SYT2: variants seen among roughly 807,000 people sequenced by gnomAD.
SYT2 encodes synaptotagmin-2.
Under a neutral mutation model 39.9 loss-of-function variants are expected in SYT2, and 15 were observed. That is an observed-to-expected ratio of 0.38 (90% CI 0.25 to 0.58). The LOEUF (loss-of-function observed/expected upper bound fraction) is 0.58. Ranked by LOEUF, SYT2 falls within the 20% of genes least tolerant of loss-of-function variation. SYT2 has a pLI of 0.70. For synonymous variants in SYT2, 181 were observed against 204.5 expected, an observed-to-expected ratio of 0.89 and a Z score of 0.98; for missense variants, 389 against 530.3, an observed-to-expected ratio of 0.73 and a Z score of 2.62.
Position 202,624,132 on chromosome 1 carries a change from G to A in SYT2, c.-17-18343C>T, listed in dbSNP as rs543495620. On this transcript the variant is annotated intron_variant, in intron 1 of 8. Coordinates refer to ENST00000367268, the MANE Select transcript of SYT2 (RefSeq NM_177402.5). ...TTAATAGGAGTGCGTGAGTGTGGTG[G>A]TGTGTGTGTGATGTGAGTGTGCATA... Among the ~76,000 whole-genome samples the A allele has an allele frequency of 5.3e-3, 812 of 152,200 alleles. 7 individuals carry two copies. The highest frequency in any genetic ancestry group is 0.011 in the African/African-American group (443 of 41,504).
chr1:202,630,558 G>T (rs1237796870), intron 1 of SYT2: 2 of 185,898 alleles, frequency 1.1e-5, no homozygotes, highest in Non-Finnish European at 2.0e-5. Context: ...CACCTGGGTG[G>T]GTGTCTGACA....
At chr1:202,640,589 G>A (rs1691877970) in intron 1 of SYT2, among the ~76,000 whole-genome samples, 1 of 152,142 alleles carries the variant, frequency 6.6e-6, no homozygotes, top group Non-Finnish European at 1.5e-5. Context: ...GGGGAATGGA[G>A]TAAAAGGCCC....
intron 1 of SYT2, among the ~76,000 whole-genome samples, chr1:202,690,174 C>A (rs1653783047): frequency 6.6e-6 from 1 of 152,138 alleles, no homozygotes; most frequent in Non-Finnish European, 1.5e-5. Flanking sequence ...ACCCACGGTC[C>A]TACTGAGCGC....
intron 1 of SYT2, among the ~76,000 whole-genome samples, chr1:202,684,326 C>T (rs1329035328): frequency 6.6e-6 from 1 of 150,442 alleles, no homozygotes; most frequent in Non-Finnish European, 1.5e-5. Context: ...TTGATCTACT[C>T]TCCGTTTCTA....
intron 1 of SYT2, among the ~76,000 whole-genome samples, chr1:202,667,126 A>C (rs1692493333): frequency 6.6e-6 from 1 of 152,208 alleles, no homozygotes; most frequent in African/African-American, 2.4e-5. Flanking sequence ...TAGAGAACTG[A>C]GAAGTAAGGC....
In SYT2 at chr1:202,599,116, G is replaced by A; in HGVS notation, c.1053+102C>T. 6.7e-7 allele frequency: 1 copy of A among 1,487,038 alleles called. No individual in the cohort carries two copies. The highest frequency in any genetic ancestry group is 1.3e-5 in the South Asian group (1 of 75,428). 92.1% of individuals were successfully genotyped at this position (1,487,038 alleles called of 1,614,324 possible). ...CTCGAGCCTTCCCCTACCAAGAAAG[G>A]CTGTTCCATGGTCTCTAGGTGAGTT... is the stretch of plus-strand genomic sequence containing the variant. On this transcript the variant is annotated intron_variant, in intron 8 of 8. Transcript: ENST00000367268. The surrounding 1 kb of genome is among the most constrained non-coding windows in gnomAD (Gnocchi z 4.4).
chr1:202,629,432 C>CTTTCAAGTTCTCATTTGTGGG (rs1691508994), intron 1 of SYT2, among the ~76,000 whole-genome samples: 2 of 152,220 alleles, frequency 1.3e-5, no homozygotes, highest in Admixed American at 1.3e-4. Flanking sequence ...GTTGCTCAAG[C>CTTTCAAGTTCTCATTTGTGGG]TTTCAAGTTC....
intron 1 of SYT2, among the ~76,000 whole-genome samples, chr1:202,612,066 A>C (rs1033481538): frequency 7.9e-5 from 12 of 151,990 alleles, no homozygotes; most frequent in African/African-American, 2.7e-4. Flanking sequence ...TCTACAATCC[A>C]CTTTGAGTAT....
intron 1 of SYT2, among the ~76,000 whole-genome samples, chr1:202,651,155 A>C (rs893033540): frequency 1.1e-4 from 17 of 152,096 alleles, no homozygotes; most frequent in African/African-American, 3.9e-4. Context: ...GGTCAAGGGA[A>C]AGCCAATACC....
intron 1 of SYT2, among the ~76,000 whole-genome samples, chr1:202,672,299 C>A (rs973793723): frequency 6.6e-6 from 1 of 152,102 alleles, no homozygotes; most frequent in Admixed American, 6.5e-5. Flanking sequence ...GGAAGTGGGA[C>A]CTTTGGGAGA....
intron 1 of SYT2, among the ~76,000 whole-genome samples, chr1:202,688,258 C>G (rs1056510744): frequency 6.6e-6 from 1 of 152,186 alleles, no homozygotes; most frequent in Non-Finnish European, 1.5e-5. Flanking sequence ...ATAGTGGCTC[C>G]GTCTTTCTCC....
intron 1 of SYT2, among the ~76,000 whole-genome samples, chr1:202,640,538 C>T (rs1283956274): frequency 7.9e-6 from 1 of 126,114 alleles, no homozygotes; most frequent in Non-Finnish European, 1.6e-5. Flanking sequence ...TCTGGCTTTA[C>T]CGCCTCTCTG....
intron 1 of SYT2, among the ~76,000 whole-genome samples, chr1:202,698,440 G>A (rs528851982): frequency 2.5e-4 from 38 of 152,196 alleles, no homozygotes; most frequent in Non-Finnish European, 4.4e-4. Context: ...GAGCCTCCCC[G>A]CCCTCCGCTT....
At chr1:202,622,580 G>A (rs201902081) in intron 1 of SYT2, among the ~76,000 whole-genome samples, 2 of 150,692 alleles carry the variant, frequency 1.3e-5, no homozygotes, top group Non-Finnish European at 2.9e-5. Context: ...CCTGATGGGC[G>A]CCTCAGAATC....
intron 1 of SYT2, among the ~76,000 whole-genome samples, chr1:202,651,856 C>A (rs1453841315): frequency 6.6e-6 from 1 of 152,106 alleles, no homozygotes; most frequent in African/African-American, 2.4e-5. Flanking sequence ...GTCAAGAGAT[C>A]GAGACCATCC....
chr1:202,602,241 G>C lies in SYT2; in HGVS notation c.633+137C>G, dbSNP rs967153654. ...GGGAGGGATCCCGATCCTCCATAGA[G>C]GCCGGGGTAGCCCTGCAGTCAAGGC... On this transcript the variant is annotated intron_variant, in intron 5 of 8. Coordinates refer to ENST00000367268, the MANE Select transcript of SYT2 (RefSeq NM_177402.5). 4.9e-6 allele frequency: 6 copies of C among 1,216,420 alleles called. No homozygotes were observed. In the South Asian group the frequency reaches 8.6e-5, roughly 17 times the overall value. The allele number at this position is 1,216,420 out of a possible 1,614,324, so 75.4% of individuals were successfully genotyped here. A position where few individuals can be genotyped will look rare whatever the true frequency, so the allele number is the denominator to read the frequency against.
intron 1 of SYT2, among the ~76,000 whole-genome samples, chr1:202,650,745 C>T (rs376043799): frequency 5.2e-4 from 79 of 152,210 alleles, no homozygotes; most frequent in African/African-American, 1.7e-3. Context: ...CAGTGCAGCA[C>T]GGGGAAAACA....
In SYT2 at chr1:202,613,067, C is replaced by CTTTTTTTTTTTTTTT. The variant is rs1690930669; in HGVS notation, c.-17-7279_-17-7278insAAAAAAAAAAAAAAA. ...CACATTGCCGAACTCATTGGTTCTT[C>CTTTTTTTTTTTTTTT]CTTTTTTTTTTTTTTTTTTTTTTTT... On this transcript the variant is annotated intron_variant, in intron 1 of 8. Transcript: ENST00000367268. Among the ~76,000 whole-genome samples the CTTTTTTTTTTTTTTT allele has an allele frequency of 1.6e-5, 2 of 121,604 alleles. 1 individual carries two copies. The allele number at this position is 121,604 out of a possible 152,430, so 79.8% of individuals were successfully genotyped here.
intron 1 of SYT2, among the ~76,000 whole-genome samples, chr1:202,694,460 T>A (rs1653922011): frequency 6.6e-6 from 1 of 152,150 alleles, no homozygotes; most frequent in African/African-American, 2.4e-5. Context: ...ATGCACAGAA[T>A]CCTGAATTTA....
Sources: allele counts gnomAD v4.1 joint callset (sites outside exome capture counted in the v4.1 genomes callset), GRCh38; gene constraint gnomAD v4.1.1; non-coding constraint Gnocchi (gnomAD v3.1); transcripts MANE v1.5; gene names NCBI Gene and HGNC (gene_info 2026-07-23, HGNC 2026-07-21).